Variants in SPTY2D1 observed in about 807,000 individuals in gnomAD.
SPTY2D1 encodes SPT2 chromatin protein domain containing 1.
Under a neutral mutation model 64.0 loss-of-function variants are expected in SPTY2D1, and 21 were observed. That is an observed-to-expected ratio of 0.33 (90% CI 0.23 to 0.47). SPTY2D1 has a LOEUF of 0.47. Ranked by LOEUF, SPTY2D1 falls within the 20% of genes least tolerant of loss-of-function variation. The pLI is 1.00. For missense variants in SPTY2D1, 724 were observed against 837.2 expected, an observed-to-expected ratio of 0.86 and a Z score of 1.67; for synonymous variants, 287 against 286.8, an observed-to-expected ratio of 1.00 and a Z score of -0.01.
chr11:18,633,088 A>C (rs1252077245), intron 1 of SPTY2D1, among the ~76,000 whole-genome samples: 2 of 152,200 alleles, frequency 1.3e-5, no homozygotes, highest in South Asian at 4.1e-4. Flanking sequence ...TCTTGGGATA[A>C]GGGATGGCTG....
chr11:18,627,420 G>A (rs976969345), intron 1 of SPTY2D1, among the ~76,000 whole-genome samples: 5 of 151,350 alleles, frequency 3.3e-5, no homozygotes, highest in African/African-American at 1.2e-4. Context: ...GACAGAGCAA[G>A]ACTCCATCTC....
Position 18,619,389 on chromosome 11 carries a change from C to T in SPTY2D1, c.61-2400G>A, listed in dbSNP as rs1025855690. Among the ~76,000 whole-genome samples, 26 of 144,046 alleles carry T rather than the reference C, an allele frequency of 1.8e-4. No homozygotes were observed. The Admixed American group carries it at 1.9e-3, about 10-fold the overall frequency. The allele number at this position is 144,046 out of a possible 152,430, so 94.5% of individuals were successfully genotyped here. A position where few individuals can be genotyped will look rare whatever the true frequency, so the allele number is the denominator to read the frequency against. ...ATCCTAGCACTTTAGGAGGCTGAGGCGGGAGGACAGCTTGAGCCCAGGAGT... is the reference window on the plus strand; with the variant it reads ...ATCCTAGCACTTTAGGAGGCTGAGGTGGGAGGACAGCTTGAGCCCAGGAGT... On this transcript the variant is annotated intron_variant, in intron 1 of 5. Coordinates refer to ENST00000336349, the MANE Select transcript of SPTY2D1 (RefSeq NM_194285.3).
chr11:18,633,309 C>G (rs1004374265), intron 1 of SPTY2D1, among the ~76,000 whole-genome samples: 1 of 152,140 alleles, frequency 6.6e-6, no homozygotes, highest in African/African-American at 2.4e-5. Context: ...CTTTGAGAGC[C>G]GTTTTAGTTC....
rs112316603 is a variant in SPTY2D1 at position 18,630,667 on chromosome 11, G to A, written c.60+3531C>T. 7.7e-3 allele frequency among the ~76,000 whole-genome samples: 1,171 copies of A among 152,254 alleles called. 9 individuals carry two copies. Among genetic ancestry groups the A allele is most frequent in the Non-Finnish European group, 0.013 (852 of 68,032 alleles). On this transcript the variant is annotated intron_variant, in intron 1 of 5. Coordinates refer to ENST00000336349, the MANE Select transcript of SPTY2D1 (RefSeq NM_194285.3). ...AATGAAGGTGGGAGAAGAAGTTGGC[G>A]AACAGGGAAAAATGAACCAATCAAT...
chr11:18,617,624 T>TCA (rs1475683543), intron 1 of SPTY2D1, among the ~76,000 whole-genome samples: 3 of 36,086 alleles, frequency 8.3e-5, no homozygotes. Flanking sequence ...AGACTCCGTC[T>TCA]CAAAAAAAAA....
At chr11:18,616,759 A>T in intron 2 of SPTY2D1, 116 bp downstream of exon 2, 1 of 842,232 alleles carries the variant, frequency 1.2e-6, no homozygotes, top group Non-Finnish European at 1.9e-6. Context: ...ACACACACAC[A>T]CACCCTCCCA....
chr11:18,613,208 ACT>A (rs1449042370), intron 3 of SPTY2D1, among the ~76,000 whole-genome samples: 1 of 152,074 alleles, frequency 6.6e-6, no homozygotes, highest in African/African-American at 2.4e-5. Context: ...AGTATGAATG[ACT>A]CTCAGAATTA....
chr11:18,615,293 A>C lies in SPTY2D1; in HGVS notation c.981T>G (p.Thr327=), dbSNP rs1402775313. 1.2e-6 allele frequency: 2 copies of C among 1,614,206 alleles called. No individual in the cohort carries two copies. Among genetic ancestry groups the C allele is most frequent in the East Asian group, 2.2e-5 (1 of 44,882 alleles). ...SSTSSPSVPK[T]SASRTQKSAV... ...CAGATTTCTGAGTCCTGCTAGCAGA[A>C]GTCTTTGGGACACTTGGTGAAGAGG... Residue 327 remains threonine (T), a synonymous_variant, in exon 3 of 6, where the codon ACT becomes ACG. Transcript: ENST00000336349.
At chr11:18,628,326 A>T (rs72881340) in intron 1 of SPTY2D1, among the ~76,000 whole-genome samples, 2 of 152,134 alleles carry the variant, frequency 1.3e-5, no homozygotes, top group African/African-American at 4.8e-5. Context: ...ATGTGGATGT[A>T]TGTTTTCCTT....
chr11:18,616,818 A>G, intron 2 of SPTY2D1, 57 bp downstream of exon 2: 1 of 1,553,558 alleles, frequency 6.4e-7, no homozygotes, highest in Non-Finnish European at 8.8e-7. Flanking sequence ...GTTTAGTACA[A>G]GCTAGATGGT....
intron 1 of SPTY2D1, among the ~76,000 whole-genome samples, chr11:18,625,983 G>A (rs1408039002): frequency 1.3e-5 from 2 of 151,724 alleles, no homozygotes; most frequent in Admixed American, 6.6e-5. Flanking sequence ...CCACACCCAG[G>A]TAATCTTTTG....
In SPTY2D1 at chr11:18,611,471, G is replaced by C; in HGVS notation, c.1964+6C>G. On this transcript the variant is annotated splice_donor_region_variant and intron_variant, in intron 5 of 5. Transcript: ENST00000336349. ...TTTGCACAAGTATGCTAAATTTTATGCTTACCTCTTTGCTTCTTCCTTCTG... is the reference window on the plus strand; with the variant it reads ...TTTGCACAAGTATGCTAAATTTTATCCTTACCTCTTTGCTTCTTCCTTCTG... 1.2e-6 allele frequency: 2 copies of C among 1,613,352 alleles called. No homozygotes were observed. The highest frequency in any genetic ancestry group is 1.7e-6 in the Non-Finnish European group (2 of 1,179,434).
In SPTY2D1 at chr11:18,609,784, G is replaced by A. The variant is rs758620832; in HGVS notation, c.*77C>T. On this transcript the variant is annotated 3_prime_UTR_variant, in exon 6 of 6. Coordinates refer to ENST00000336349, the MANE Select transcript of SPTY2D1 (RefSeq NM_194285.3). ...CCCAAGTATAAATCTAAAATGATAA[G>A]GGGGCTTCTTCAGTCTGAAGGCAGG... 4.6e-6 allele frequency: 6 copies of A among 1,306,290 alleles called. No homozygotes were observed. Among genetic ancestry groups the A allele is most frequent in the Non-Finnish European group, 6.5e-6 (6 of 917,330 alleles). 80.9% of individuals were successfully genotyped at this position (1,306,290 alleles called of 1,614,324 possible).
intron 1 of SPTY2D1, among the ~76,000 whole-genome samples, chr11:18,632,735 A>G (rs2134120420): frequency 6.6e-6 from 1 of 152,304 alleles, no homozygotes; most frequent in African/African-American, 2.4e-5. Context: ...ATATACACAT[A>G]TTTTGAAATT....
At chr11:18,626,762 A>T (rs1018906395) in intron 1 of SPTY2D1, among the ~76,000 whole-genome samples, 3 of 152,240 alleles carry the variant, frequency 2.0e-5, no homozygotes, top group Admixed American at 6.5e-5. Flanking sequence ...AGTATGCACT[A>T]TAAAGGTTAA....
chr11:18,610,684 AAAAAC>A (rs1168582017), intron 5 of SPTY2D1, among the ~76,000 whole-genome samples: 2 of 151,084 alleles, frequency 1.3e-5, no homozygotes, highest in Admixed American at 6.6e-5. Context: ...AAAAAAAAAA[AAAAAC>A]AACAATACTA....
chr11:18,621,323 C>CAAAAGAAA (rs760777838), intron 1 of SPTY2D1, among the ~76,000 whole-genome samples: 1 of 137,540 alleles, frequency 7.3e-6, no homozygotes, highest in African/African-American at 2.8e-5. Flanking sequence ...TCTCAAAAAA[C>CAAAAGAAA]AGAAAAGAAA....
Position 18,634,284 on chromosome 11 carries a change from C to G in SPTY2D1, c.-27G>C. The G allele has an allele frequency of 6.2e-7, 1 of 1,613,518 alleles. No homozygotes were observed. The highest frequency in any genetic ancestry group is 1.3e-5 in the African/African-American group (1 of 75,052). On this transcript the variant is annotated 5_prime_UTR_variant, in exon 1 of 6. Transcript: ENST00000336349. ...TTGGGCCGAGGCGGGAGAGACTGGG[C>G]CAGGCACTCGGAAAGGACTGACAGC... is the stretch of plus-strand genomic sequence containing the variant.
rs563607002 is a variant in SPTY2D1, at chr11:18,619,320, A to G, written c.61-2331T>C. Among the ~76,000 whole-genome samples the G allele has an allele frequency of 1.1e-4, 17 of 152,146 alleles. No individual in the cohort carries two copies. The South Asian group carries it at 3.1e-3, about 28-fold the overall frequency. ...GAAGAAGGTGGATTTTTTTTCACTA[A>G]CACTTAAGATTTTCCTGGCCAGGCG... On this transcript the variant is annotated intron_variant, in intron 1 of 5. Transcript: ENST00000336349.
Sources: gnomAD v4.1 joint callset for allele counts (sites outside exome capture counted in the v4.1 genomes callset) on GRCh38, gnomAD v4.1.1 for gene constraint, MANE v1.5 for transcripts, NCBI Gene and HGNC (gene_info 2026-07-23, HGNC 2026-07-21) for gene names.